The following ANO3 variants were observed in gnomAD, a reference collection of about 807,000 sequenced individuals.
The protein encoded by ANO3 is anoctamin-3.
ANO3 carries 99 observed loss-of-function variants against 144.8 expected under a neutral mutation model. The ratio of observed to expected loss-of-function variants is 0.68; its 90% CI spans 0.58 to 0.81. The LOEUF (loss-of-function observed/expected upper bound fraction) is 0.81. Among genes scored for constraint, ANO3 ranks in the 30% least tolerant of loss-of-function variants. ANO3 has a pLI of 0.00. For missense variants in ANO3, 905 were observed against 1,202.2 expected, an observed-to-expected ratio of 0.75 and a Z score of 3.66; for synonymous variants, 414 against 392.6, an observed-to-expected ratio of 1.05 and a Z score of -0.64.
intron 1 of ANO3, among the ~76,000 whole-genome samples, chr11:26,311,815 C>T: frequency 6.6e-6 from 1 of 152,080 alleles, no homozygotes; most frequent in East Asian, 1.9e-4. Context: ...ATCCATATTT[C>T]CCTCTTAACT....
intron 1 of ANO3, among the ~76,000 whole-genome samples, chr11:26,293,904 A>G (rs535866778): frequency 6.6e-6 from 1 of 152,204 alleles, no homozygotes; most frequent in South Asian, 2.1e-4. Flanking sequence ...ATGATTAAGT[A>G]ACACTCAAGT....
chr11:26,612,212 G>A (rs574198890), intron 17 of ANO3, among the ~76,000 whole-genome samples: 76 of 151,678 alleles, frequency 5.0e-4, no homozygotes, highest in Non-Finnish European at 8.8e-4. Flanking sequence ...TACCTCTGTG[G>A]GTTGATGGTT....
chr11:26,267,093 C>T (rs1459101369), intron 1 of ANO3, among the ~76,000 whole-genome samples: 6 of 123,846 alleles, frequency 4.8e-5, no homozygotes, highest in Non-Finnish European at 7.1e-5. Flanking sequence ...TTCCGTCAAA[C>T]AAACAAAAAA....
At chr11:26,193,240 C>T (rs947860526) in intron 1 of ANO3, among the ~76,000 whole-genome samples, 1 of 147,664 alleles carries the variant, frequency 6.8e-6, no homozygotes, top group East Asian at 2.0e-4. Flanking sequence ...CTCCCGGGTT[C>T]AAGCGATTAT....
chr11:26,505,034 AAAAAAG>A (rs1226282165), intron 4 of ANO3, among the ~76,000 whole-genome samples: 26 of 131,168 alleles, frequency 2.0e-4, no homozygotes, highest in Admixed American at 4.2e-4. Context: ...AAAAAAAAAA[AAAAAAG>A]AAGAGAAAAG....
At chr11:26,510,793 G>C (rs2134142035) in intron 5 of ANO3, among the ~76,000 whole-genome samples, 1 of 152,282 alleles carries the variant, frequency 6.6e-6, no homozygotes, top group South Asian at 2.1e-4. Flanking sequence ...CAGATTCTCA[G>C]TTCTGAGTCT....
intron 1 of ANO3, among the ~76,000 whole-genome samples, chr11:26,250,745 G>C (rs1852909245): frequency 6.6e-6 from 1 of 152,190 alleles, no homozygotes; most frequent in South Asian, 2.1e-4. Flanking sequence ...GATAGTATAT[G>C]AGTCTCTTTC....
intron 4 of ANO3, among the ~76,000 whole-genome samples, chr11:26,507,067 T>C (rs1861463133): frequency 6.6e-6 from 1 of 152,036 alleles, no homozygotes; most frequent in African/African-American, 2.4e-5. Context: ...AAGGATGGGG[T>C]AGATAATAGT....
At chr11:26,229,215 G>C (rs1335499506) in intron 1 of ANO3, among the ~76,000 whole-genome samples, 2 of 152,096 alleles carry the variant, frequency 1.3e-5, no homozygotes, top group East Asian at 1.9e-4. Flanking sequence ...CTCTGTGTTA[G>C]TGAGATTCAA....
At chr11:26,502,768 T>A (rs1230150115) in intron 4 of ANO3, among the ~76,000 whole-genome samples, 1 of 151,784 alleles carries the variant, frequency 6.6e-6, no homozygotes, top group African/African-American at 2.4e-5. Flanking sequence ...AAGTTTTCAA[T>A]GTCTTATTTT....
intron 14 of ANO3, among the ~76,000 whole-genome samples, chr11:26,588,483 C>G (rs994432152): frequency 2.0e-5 from 3 of 152,148 alleles, no homozygotes; most frequent in African/African-American, 7.2e-5. Flanking sequence ...AGTGGACACC[C>G]TACTTTCTGA....
chr11:26,321,221 A>G (rs937069591), intron 1 of ANO3, among the ~76,000 whole-genome samples: 1 of 152,038 alleles, frequency 6.6e-6, no homozygotes, highest in Admixed American at 6.6e-5. Flanking sequence ...ATAAAAGGAA[A>G]TCTTGAGTAT....
At chr11:26,579,611 A>AT (rs1332088392) in intron 14 of ANO3, among the ~76,000 whole-genome samples, 1 of 152,180 alleles carries the variant, frequency 6.6e-6, no homozygotes, top group Admixed American at 6.5e-5. Flanking sequence ...AAGGAACTCA[A>AT]TTTTTGTGCT....
chr11:26,274,193 T>G (rs1227084182), intron 1 of ANO3, among the ~76,000 whole-genome samples: 3 of 152,124 alleles, frequency 2.0e-5, no homozygotes, highest in Admixed American at 2.0e-4. Context: ...GTGAATATTT[T>G]TTAACAATAT....
intron 12 of ANO3, 102 bp downstream of exon 12, chr11:26,547,652 C>T (rs1484327469): frequency 1.8e-5 from 20 of 1,102,642 alleles, no homozygotes; most frequent in Non-Finnish European, 9.1e-6. Context: ...GTTGATGATA[C>T]TACAATTTAA....
chr11:26,444,049 A>T (rs539356529), intron 3 of ANO3, among the ~76,000 whole-genome samples: 19 of 152,300 alleles, frequency 1.2e-4, no homozygotes, highest in African/African-American at 4.6e-4. Context: ...CAACAGTCTC[A>T]TAATAACAAA....
intron 1 of ANO3, among the ~76,000 whole-genome samples, chr11:26,190,740 C>T (rs1296486821): frequency 1.3e-5 from 2 of 152,234 alleles, no homozygotes; most frequent in South Asian, 2.1e-4. Flanking sequence ...TGTCTTTATA[C>T]ACATCTATAG....
intron 1 of ANO3, among the ~76,000 whole-genome samples, chr11:26,423,308 A>ATTT (rs1857808932): frequency 2.8e-5 from 1 of 35,622 alleles, no homozygotes; most frequent in Non-Finnish European, 5.8e-5. Context: ...ATACCTTTAT[A>ATTT]CTTTTTTTTT....
At chr11:26,287,528 G>A (rs899172347) in intron 1 of ANO3, 1 of 152,156 alleles carries the variant, frequency 6.6e-6, no homozygotes, top group Non-Finnish European at 1.5e-5. Flanking sequence ...TGGTTCCAGA[G>A]TCTGTGATCT....
Sources: gnomAD v4.1 joint callset for allele counts (sites outside exome capture counted in the v4.1 genomes callset) on GRCh38, gnomAD v4.1.1 for gene constraint, MANE v1.5 for transcripts, NCBI Gene and HGNC (gene_info 2026-07-23, HGNC 2026-07-21) for gene names.